ADGRB3: variants seen among roughly 807,000 people sequenced by gnomAD.
ADGRB3 encodes the protein adhesion G protein-coupled receptor B3, also known as brain-specific angiogenesis inhibitor 3.
Under a neutral mutation model 193.4 loss-of-function variants are expected in ADGRB3, and 37 were observed. That is an observed-to-expected ratio of 0.19 (90% CI 0.15 to 0.25). The LOEUF (loss-of-function observed/expected upper bound fraction) is 0.25. ADGRB3 is among the 10% of genes least tolerant of loss of function. The probability of loss-of-function intolerance (pLI) is 1.00; values close to 1 mark genes in which losing one functional copy is unlikely to be tolerated. For synonymous variants in ADGRB3, 690 were observed against 644.2 expected, an observed-to-expected ratio of 1.07 and a Z score of -1.08; for missense variants, 1,637 against 1,852.9, an observed-to-expected ratio of 0.88 and a Z score of 2.14.
chr6:69,137,721 C>T lies in ADGRB3; in HGVS notation c.2480+61683C>T, dbSNP rs549613847. The stretch of plus-strand genomic sequence containing the variant: ...CTGAGGTAGGAGAATCACTTGAACC[C>T]GGGAAGCTGAGGATGCAGTGGGCCA... On this transcript the variant is annotated intron_variant, in intron 17 of 31. Coordinates refer to ENST00000370598, the MANE Select transcript of ADGRB3 (RefSeq NM_001704.3). 5.3e-5 allele frequency among the ~76,000 whole-genome samples: 8 copies of T among 152,144 alleles called. 1 individual carries two copies. The highest frequency in any genetic ancestry group is 2.1e-4 in the South Asian group (1 of 4,818).
chr6:68,803,119 C>T (rs1352619910), intron 3 of ADGRB3, among the ~76,000 whole-genome samples: 1 of 152,070 alleles, frequency 6.6e-6, no homozygotes, highest in Non-Finnish European at 1.5e-5. Flanking sequence ...CATCCCTGGA[C>T]CTTTCTTTAA....
intron 17 of ADGRB3, among the ~76,000 whole-genome samples, chr6:69,082,087 C>A (rs1213274841): frequency 6.6e-6 from 1 of 151,990 alleles, no homozygotes; most frequent in African/African-American, 2.4e-5. Context: ...TATGTATTGT[C>A]TATTGCTTCT....
intron 3 of ADGRB3, among the ~76,000 whole-genome samples, chr6:68,712,543 G>T (rs889914024): frequency 1.3e-4 from 20 of 151,648 alleles, no homozygotes; most frequent in African/African-American, 4.8e-4. Context: ...AAAGTCAGAG[G>T]GTATGAAAAG....
intron 13 of ADGRB3, among the ~76,000 whole-genome samples, chr6:69,047,069 C>A (rs1771258563): frequency 6.6e-6 from 1 of 152,166 alleles, no homozygotes; most frequent in African/African-American, 2.4e-5. Flanking sequence ...CCATGTTAGC[C>A]AGGATGGTCT....
At chr6:69,280,871 G>C (rs1379489148) in intron 20 of ADGRB3, among the ~76,000 whole-genome samples, 2 of 151,920 alleles carry the variant, frequency 1.3e-5, no homozygotes, top group African/African-American at 4.8e-5. Context: ...ATATATGTAA[G>C]GAACATAATA....
At chr6:69,004,809 G>T (rs1248453948) in intron 11 of ADGRB3, among the ~76,000 whole-genome samples, 1 of 152,088 alleles carries the variant, frequency 6.6e-6, no homozygotes, top group Non-Finnish European at 1.5e-5. Flanking sequence ...TGGGGTTGGG[G>T]GGTGCTGAGA....
intron 3 of ADGRB3, among the ~76,000 whole-genome samples, chr6:68,816,510 C>T (rs1325368096): frequency 1.3e-5 from 2 of 151,914 alleles, no homozygotes; most frequent in Non-Finnish European, 2.9e-5. Context: ...GTTTGATTTA[C>T]AAGTTCTTAT....
chr6:69,010,350 A>ACATT (rs1311816393), intron 11 of ADGRB3, among the ~76,000 whole-genome samples: 1 of 151,866 alleles, frequency 6.6e-6, no homozygotes, highest in Non-Finnish European at 1.5e-5. Flanking sequence ...AGAGGAAGAG[A>ACATT]CATTAAAGAG....
At chr6:69,137,033 G>A (rs1394354870) in intron 17 of ADGRB3, among the ~76,000 whole-genome samples, 1 of 146,754 alleles carries the variant, frequency 6.8e-6, no homozygotes, top group African/African-American at 2.5e-5. Flanking sequence ...CACCGATGCA[G>A]TGGTGTTTCT....
At chr6:69,279,071 GTATATATATATA>G (rs57824884) in intron 20 of ADGRB3, among the ~76,000 whole-genome samples, 5,175 of 71,390 alleles carry the variant, frequency 0.072, 348 homozygotes, top group African/African-American at 0.091. Flanking sequence ...AAATACATAT[GTATATATATATA>G]TATATATATA....
chr6:68,837,689 A>C lies in ADGRB3; in HGVS notation c.758-92870A>C, dbSNP rs566904639. On this transcript the variant is annotated intron_variant, in intron 3 of 31. Transcript: ENST00000370598. Reference sequence around the variant, plus strand: ...TTAAAGATGATCTTTCCAATAAGAGATTATAGTCTTTCTCACTTGGAAAAT... The same window carrying C: ...TTAAAGATGATCTTTCCAATAAGAGCTTATAGTCTTTCTCACTTGGAAAAT... Among the ~76,000 whole-genome samples the C allele has an allele frequency of 5.3e-5, 8 of 152,308 alleles. No homozygotes were observed. In the South Asian group the frequency reaches 1.7e-3, roughly 32 times the overall value.
chr6:69,267,196 A>C (rs1397628490), intron 20 of ADGRB3, among the ~76,000 whole-genome samples: 1 of 152,028 alleles, frequency 6.6e-6, no homozygotes, highest in Non-Finnish European at 1.5e-5. Flanking sequence ...CCTTTTGATC[A>C]AGATCTTTCT....
intron 17 of ADGRB3, among the ~76,000 whole-genome samples, chr6:69,094,923 A>G (rs1772830608): frequency 6.6e-6 from 1 of 152,208 alleles, no homozygotes; most frequent in African/African-American, 2.4e-5. Context: ...AAGATGGCTT[A>G]AAATAACACA....
intron 20 of ADGRB3, among the ~76,000 whole-genome samples, chr6:69,270,394 A>G (rs1277124734): frequency 6.6e-6 from 1 of 152,206 alleles, no homozygotes; most frequent in Non-Finnish European, 1.5e-5. Context: ...TGAATTTTAG[A>G]GAGCTTAGTT....
intron 20 of ADGRB3, among the ~76,000 whole-genome samples, chr6:69,293,338 G>A (rs942790363): frequency 3.3e-5 from 5 of 151,908 alleles, no homozygotes; most frequent in South Asian, 4.2e-4. Flanking sequence ...TCCTAGACCC[G>A]AGGCTTGGCT....
intron 7 of ADGRB3, 99 bp from the exon 8 acceptor site, chr6:68,956,546 T>G (rs981509104): frequency 2.1e-6 from 3 of 1,419,448 alleles, no homozygotes; most frequent in Admixed American, 1.8e-5. Context: ...CAGTAGTAGA[T>G]TAACAAAAAT....
chr6:69,281,729 T>A (rs1286994692), intron 20 of ADGRB3, among the ~76,000 whole-genome samples: 3 of 152,168 alleles, frequency 2.0e-5, no homozygotes, highest in Non-Finnish European at 4.4e-5. Flanking sequence ...GAAGGATTCC[T>A]TTGGGGAGAA....
intron 22 of ADGRB3, among the ~76,000 whole-genome samples, chr6:69,328,825 C>T (rs1042505152): frequency 2.6e-5 from 4 of 152,106 alleles, no homozygotes; most frequent in African/African-American, 9.7e-5. Flanking sequence ...TACTACAGCA[C>T]TAGCACCTTA....
At chr6:69,020,164 C>G (rs948201839) in intron 13 of ADGRB3, among the ~76,000 whole-genome samples, 3 of 151,892 alleles carry the variant, frequency 2.0e-5, no homozygotes, top group Admixed American at 6.6e-5. Context: ...TTTTCTTCTT[C>G]TTGTTGTAAA....
Sources: allele counts gnomAD v4.1 joint callset (sites outside exome capture counted in the v4.1 genomes callset), GRCh38; gene constraint gnomAD v4.1.1; transcripts MANE v1.5; gene names NCBI Gene and HGNC (gene_info 2026-07-23, HGNC 2026-07-21).